MSRA: variants seen among roughly 807,000 people sequenced by gnomAD.
The protein encoded by MSRA is methionine sulfoxide reductase A.
Under a neutral mutation model 31.3 loss-of-function variants are expected in MSRA, and 54 were observed. The observed-to-expected ratio is 1.73, with a 90% confidence interval of 1.39 to 2.17. The LOEUF (loss-of-function observed/expected upper bound fraction) is 2.17. Ranked by LOEUF, MSRA falls within the 30% of genes most tolerant of loss-of-function variation. MSRA has a pLI of 0.00. For missense variants in MSRA, 507 were observed against 300.9 expected, an observed-to-expected ratio of 1.69 and a Z score of -5.07; for synonymous variants, 169 against 116.5, an observed-to-expected ratio of 1.45 and a Z score of -2.90.
intron 4 of MSRA, among the ~76,000 whole-genome samples, chr8:10,315,857 A>C (rs991105696): frequency 1.3e-5 from 2 of 152,250 alleles, no homozygotes; most frequent in African/African-American, 4.8e-5. Context: ...TAGGACGCAT[A>C]ATAAGTAAAA....
At chr8:10,310,947 T>A (rs1801401262) in intron 4 of MSRA, among the ~76,000 whole-genome samples, 2 of 152,258 alleles carry the variant, frequency 1.3e-5, no homozygotes, top group South Asian at 4.1e-4. Context: ...ATAATCAGGC[T>A]TTTGAAAACT....
At chr8:10,314,194 A>G (rs369141136) in intron 4 of MSRA, among the ~76,000 whole-genome samples, 10 of 152,354 alleles carry the variant, frequency 6.6e-5, no homozygotes, top group African/African-American at 1.9e-4. Flanking sequence ...AAAGCATCAT[A>G]AAGAAAATGC....
intron 1 of MSRA, among the ~76,000 whole-genome samples, chr8:10,094,001 C>T (rs369876403): frequency 2.0e-5 from 3 of 152,180 alleles, no homozygotes; most frequent in South Asian, 2.1e-4. Flanking sequence ...ATTCCTTGCA[C>T]GTGATGAGTC....
intron 3 of MSRA, among the ~76,000 whole-genome samples, chr8:10,283,018 A>G (rs1454544195): frequency 6.6e-6 from 1 of 152,066 alleles, no homozygotes; most frequent in Non-Finnish European, 1.5e-5. Flanking sequence ...AGAGATGAAA[A>G]TTCCATTCTT....
rs562377200 is a variant in MSRA at position 10,240,547 on chromosome 8, C to A, written c.212-4557C>A. 5.9e-5 allele frequency among the ~76,000 whole-genome samples: 9 copies of A among 152,250 alleles called. No individual in the cohort carries two copies. The South Asian group carries it at 1.9e-3, about 32-fold the overall frequency. On this transcript the variant is annotated intron_variant, in intron 2 of 5. Transcript: ENST00000317173. Reference sequence around the variant, plus strand: ...TAAAGAGATCTTCATGCTGCATACTCACTCCCACATGTCCACCTATGTCTC... The same window carrying A: ...TAAAGAGATCTTCATGCTGCATACTAACTCCCACATGTCCACCTATGTCTC...
intron 1 of MSRA, among the ~76,000 whole-genome samples, chr8:10,058,638 A>G (rs1238043406): frequency 3.3e-5 from 5 of 152,236 alleles, no homozygotes; most frequent in Non-Finnish European, 7.3e-5. Flanking sequence ...TTGACATAGC[A>G]TATCTATTTG....
intron 3 of MSRA, among the ~76,000 whole-genome samples, chr8:10,266,872 C>T (rs1325458718): frequency 1.3e-5 from 2 of 152,126 alleles, no homozygotes; most frequent in African/African-American, 2.4e-5. Context: ...TATTAAAATG[C>T]AAAGGTCAAT....
chr8:10,114,171 C>G (rs1800503595), intron 1 of MSRA, among the ~76,000 whole-genome samples: 2 of 152,140 alleles, frequency 1.3e-5, no homozygotes, highest in African/African-American at 4.8e-5. Flanking sequence ...GAATAATAAT[C>G]CATTTTATTG....
At chr8:10,387,276 TA>T (rs1161861666) in intron 5 of MSRA, among the ~76,000 whole-genome samples, 1 of 152,226 alleles carries the variant, frequency 6.6e-6, no homozygotes, top group Admixed American at 6.5e-5. Flanking sequence ...AGGAAGCAGG[TA>T]AAACAGAGCA....
intron 1 of MSRA, among the ~76,000 whole-genome samples, chr8:10,176,689 C>A (rs565857076): frequency 6.6e-6 from 1 of 152,292 alleles, no homozygotes; most frequent in African/African-American, 2.4e-5. Context: ...CAAAGGCCAT[C>A]CTCTTTAGAT....
At chr8:10,355,325 C>A (rs77808597) in intron 5 of MSRA, among the ~76,000 whole-genome samples, 1 of 152,300 alleles carries the variant, frequency 6.6e-6, no homozygotes, top group East Asian at 1.9e-4. Flanking sequence ...GTCAGAGACT[C>A]GGGATTTTTG....
chr8:10,273,505 C>T (rs962357038), intron 3 of MSRA, among the ~76,000 whole-genome samples: 4 of 152,092 alleles, frequency 2.6e-5, no homozygotes, highest in Non-Finnish European at 4.4e-5. Flanking sequence ...AAATGAATTA[C>T]TGTTCATAAA....
At chr8:10,290,619 G>T (rs1240041330) in intron 3 of MSRA, among the ~76,000 whole-genome samples, 1 of 152,104 alleles carries the variant, frequency 6.6e-6, no homozygotes, top group African/African-American at 2.4e-5. Flanking sequence ...TGGGGTGGAG[G>T]GGGAGGCGTG....
At chr8:10,380,300 T>C (rs1585631600) in intron 5 of MSRA, among the ~76,000 whole-genome samples, 1 of 152,192 alleles carries the variant, frequency 6.6e-6, no homozygotes, top group South Asian at 2.1e-4. Flanking sequence ...CTTTGGAAGC[T>C]TTTTCTAGGA....
At chr8:10,238,423 G>A (rs1036141653) in intron 2 of MSRA, among the ~76,000 whole-genome samples, 4 of 152,128 alleles carry the variant, frequency 2.6e-5, no homozygotes, top group African/African-American at 9.7e-5. Context: ...TCCCACTAGA[G>A]TATACACACT....
chr8:10,063,624 G>A (rs983893567), intron 1 of MSRA, among the ~76,000 whole-genome samples: 3 of 152,162 alleles, frequency 2.0e-5, no homozygotes, highest in East Asian at 3.9e-4. Context: ...GGTGGAACAC[G>A]CATGAGTGGG....
intron 5 of MSRA, among the ~76,000 whole-genome samples, chr8:10,410,409 C>T (rs909470438): frequency 2.6e-5 from 4 of 152,174 alleles, no homozygotes; most frequent in African/African-American, 9.7e-5. Flanking sequence ...TGGGCATAAC[C>T]CCCATCACCT....
intron 3 of MSRA, among the ~76,000 whole-genome samples, chr8:10,284,323 G>A (rs1475813799): frequency 6.6e-6 from 1 of 151,968 alleles, no homozygotes; most frequent in East Asian, 1.9e-4. Flanking sequence ...CGAATAGCTG[G>A]GACTATAGGC....
At chr8:10,114,672 A>G (rs924991553) in intron 1 of MSRA, among the ~76,000 whole-genome samples, 2 of 152,244 alleles carry the variant, frequency 1.3e-5, no homozygotes, top group South Asian at 2.1e-4. Context: ...TGGCAAGTGG[A>G]TAATTGAAGT....
Sources: gnomAD v4.1 joint callset for allele counts (sites outside exome capture counted in the v4.1 genomes callset) on GRCh38, gnomAD v4.1.1 for gene constraint, MANE v1.5 for transcripts, NCBI Gene and HGNC (gene_info 2026-07-23, HGNC 2026-07-21) for gene names.